IPO11: variants seen among roughly 807,000 people sequenced by gnomAD.
IPO11 encodes the protein importin-11.
Under a neutral mutation model 143.2 loss-of-function variants are expected in IPO11, and 66 were observed. The observed-to-expected ratio is 0.46, with a 90% CI of 0.38 to 0.57. The LOEUF (loss-of-function observed/expected upper bound fraction) is 0.57, where lower values mean the gene tolerates loss of function less well. IPO11 is among the 20% of genes least tolerant of loss of function. The pLI is 0.00. For missense variants in IPO11, 1,026 were observed against 1,141.0 expected (o/e 0.90, Z 1.45); for synonymous variants, 385 against 377.8 (o/e 1.02, Z -0.22).
rs534776630 is a variant in IPO11 at position 62,426,581 on chromosome 5, GAAAT to G, written c.-6-10689_-6-10686del. 2.2e-4 allele frequency among the ~76,000 whole-genome samples: 34 copies of G among 152,218 alleles called. 1 individual carries two copies. In the South Asian group the frequency reaches 5.2e-3, roughly 23 times the overall value. ...TGGGATGTTTTTGGAGAAAGGAAGA[GAAAT>G]AAAGCAAATATCTAATTCCTATGGA... On this transcript the variant is annotated intron_variant, in intron 1 of 29. Coordinates refer to ENST00000325324, the MANE Select transcript of IPO11 (RefSeq NM_016338.5).
intron 2 of IPO11, among the ~76,000 whole-genome samples, chr5:62,439,284 GTTTTTTT>G (rs1226593063): frequency 1.1e-5 from 1 of 90,924 alleles, no homozygotes; most frequent in Non-Finnish European, 2.0e-5. Flanking sequence ...AACTGCGTAG[GTTTTTTT>G]TTTTTTTTTT....
In IPO11 at chr5:62,539,862, ATTC is replaced by A. The variant is rs534668178; in HGVS notation, c.2250+2578_2250+2580del. Among the ~76,000 whole-genome samples, 18 of 152,320 alleles carry A rather than the reference ATTC, an allele frequency of 1.2e-4. No homozygotes were observed. The South Asian group carries it at 3.7e-3, about 32-fold the overall frequency. On this transcript the variant is annotated intron_variant, in intron 24 of 29. Transcript: ENST00000325324. ...GCTTCAGCTTTTGCTTTGGTGATAA[ATTC>A]TTCTCTGGAGGTAAGAGGAAGTAAG...
Position 62,461,735 on chromosome 5 carries a change from G to T in IPO11, c.517-5396G>T, listed in dbSNP as rs556803022. 5.3e-5 allele frequency among the ~76,000 whole-genome samples: 8 copies of T among 152,298 alleles called. No individual in the cohort carries two copies. In the South Asian group the frequency reaches 1.7e-3, roughly 32 times the overall value. ...ATTTAGCAATACCTGCTGTGTGCCA[G>T]GCATCTTATGTGCTTTTCGTATCTG... On this transcript the variant is annotated intron_variant, in intron 5 of 29. Transcript: ENST00000325324.
intron 27 of IPO11, among the ~76,000 whole-genome samples, chr5:62,584,723 G>A (rs998670314): frequency 6.0e-5 from 9 of 148,972 alleles, no homozygotes; most frequent in Admixed American, 5.4e-4. Flanking sequence ...CTGAAGCATA[G>A]CTTTTTTTGT....
At chr5:62,428,177 A>G (rs1252038446) in intron 1 of IPO11, among the ~76,000 whole-genome samples, 3 of 151,750 alleles carry the variant, frequency 2.0e-5, no homozygotes, top group Admixed American at 6.6e-5. Flanking sequence ...GTTAACATCA[A>G]TTGTTGTTGA....
chr5:62,567,783 A>G (rs904675973), intron 27 of IPO11, among the ~76,000 whole-genome samples: 2 of 151,538 alleles, frequency 1.3e-5, no homozygotes, highest in African/African-American at 4.9e-5. Context: ...GCTGGTCTCA[A>G]ACTCCTGACC....
chr5:62,442,196 A>G (rs933927017), intron 2 of IPO11, among the ~76,000 whole-genome samples: 1 of 152,152 alleles, frequency 6.6e-6, no homozygotes, highest in Non-Finnish European at 1.5e-5. Flanking sequence ...GTACTATGAA[A>G]TAGTTTTATT....
At chr5:62,446,983 C>A (rs895761230) in intron 3 of IPO11, among the ~76,000 whole-genome samples, 7 of 150,720 alleles carry the variant, frequency 4.6e-5, no homozygotes, top group Non-Finnish European at 7.4e-5. Context: ...AAAAAAAAAT[C>A]AACTTTGTGA....
chr5:62,536,577 T>C, intron 22 of IPO11, 125 bp from the exon 23 acceptor site: 1 of 1,085,704 alleles, frequency 9.2e-7, no homozygotes, highest in Non-Finnish European at 1.3e-6. Flanking sequence ...GTAGTCTTGA[T>C]AGTACTCGGA....
intron 1 of IPO11, among the ~76,000 whole-genome samples, chr5:62,432,172 C>T (rs193100199): frequency 5.9e-5 from 9 of 152,288 alleles, no homozygotes; most frequent in Admixed American, 1.3e-4. Flanking sequence ...GAGTGGCAAA[C>T]GGCCAAACTT....
At chr5:62,549,828 A>G (rs1447256350) in intron 24 of IPO11, among the ~76,000 whole-genome samples, 1 of 152,214 alleles carries the variant, frequency 6.6e-6, no homozygotes, top group Non-Finnish European at 1.5e-5. Flanking sequence ...ATCAATACTC[A>G]TGACTGATCT....
At chr5:62,602,604 G>T (rs1298234102) in intron 29 of IPO11, among the ~76,000 whole-genome samples, 1 of 152,136 alleles carries the variant, frequency 6.6e-6, no homozygotes, top group Non-Finnish European at 1.5e-5. Context: ...CTCTGTAAGA[G>T]TTAGCTGTCA....
At chr5:62,499,672 A>T (rs1250834900) in intron 16 of IPO11, among the ~76,000 whole-genome samples, 1 of 149,078 alleles carries the variant, frequency 6.7e-6, no homozygotes, top group Non-Finnish European at 1.5e-5. Context: ...GCCTCCTGTA[A>T]CTTCTTTAGT....
intron 16 of IPO11, among the ~76,000 whole-genome samples, chr5:62,502,938 C>G (rs1165527020): frequency 6.6e-6 from 1 of 152,028 alleles, no homozygotes; most frequent in Non-Finnish European, 1.5e-5. Flanking sequence ...TCCTGGTGCC[C>G]CAGTCTCCTG....
intron 24 of IPO11, among the ~76,000 whole-genome samples, chr5:62,541,967 A>G (rs1742964394): frequency 6.6e-6 from 1 of 152,156 alleles, no homozygotes; most frequent in Non-Finnish European, 1.5e-5. Flanking sequence ...AATCCTATCT[A>G]CTTCAGAGAC....
intron 26 of IPO11, among the ~76,000 whole-genome samples, chr5:62,552,000 TG>T (rs1037694143): frequency 2.6e-5 from 4 of 152,150 alleles, no homozygotes; most frequent in African/African-American, 4.8e-5. Flanking sequence ...TGCGGGCACC[TG>T]TAGTCCCAGC....
chr5:62,581,607 A>G (rs1744569066), intron 27 of IPO11: 2 of 244,664 alleles, frequency 8.2e-6, no homozygotes, highest in South Asian at 2.4e-4. Context: ...TATACTTTAC[A>G]GGTGAGGAAA....
chr5:62,535,616 T>C (rs1742708952), intron 22 of IPO11, among the ~76,000 whole-genome samples: 1 of 152,150 alleles, frequency 6.6e-6, no homozygotes, highest in African/African-American at 2.4e-5. Context: ...TATCCTCATT[T>C]TTTAAAACTG....
At chr5:62,427,211 A>G (rs1005201644) in intron 1 of IPO11, among the ~76,000 whole-genome samples, 1 of 151,854 alleles carries the variant, frequency 6.6e-6, no homozygotes, top group East Asian at 1.9e-4. Flanking sequence ...AAGTGCTGGG[A>G]TTACACACGT....
Sources: gnomAD v4.1 joint callset for allele counts (sites outside exome capture counted in the v4.1 genomes callset) on GRCh38, gnomAD v4.1.1 for gene constraint, MANE v1.5 for transcripts, NCBI Gene and HGNC (gene_info 2026-07-23, HGNC 2026-07-21) for gene names.